Variants in LPA observed in about 807,000 individuals in gnomAD.
LPA encodes the protein lipoprotein(a).
LPA carries 199 observed loss-of-function variants against 197.9 expected under a neutral mutation model. The observed-to-expected ratio is 1.01, with a 90% CI of 0.90 to 1.13. LPA has a LOEUF of 1.13. Among genes scored for constraint, LPA ranks in the 50% most tolerant of loss-of-function variants. LPA has a pLI of 0.00. For missense variants in LPA, 1,853 were observed against 1,785.8 expected (o/e 1.04, Z -0.68); for synonymous variants, 715 against 639.5 (o/e 1.12, Z -1.78).
intron 33 of LPA, among the ~76,000 whole-genome samples, chr6:160,544,071 T>A (rs1273945915): frequency 6.6e-6 from 1 of 152,152 alleles, no homozygotes; most frequent in African/African-American, 2.4e-5. Context: ...TTCTCATACA[T>A]CCTCAATGTG....
chr6:160,657,506 C>T (rs949700892), intron 1 of LPA, among the ~76,000 whole-genome samples: 1 of 148,928 alleles, frequency 6.7e-6, no homozygotes, highest in African/African-American at 2.5e-5. Context: ...TCAAGCAGTT[C>T]TCTTGCCTCA....
At chr6:160,610,625 A>T (rs1397923618) in intron 16 of LPA, among the ~76,000 whole-genome samples, 3 of 152,146 alleles carry the variant, frequency 2.0e-5, no homozygotes, top group African/African-American at 7.2e-5. Flanking sequence ...GGAGACTTCT[A>T]TGCGTATTTG....
At chr6:160,649,321 T>C (rs1028562051) in intron 2 of LPA, among the ~76,000 whole-genome samples, 1 of 152,196 alleles carries the variant, frequency 6.6e-6, no homozygotes, top group African/African-American at 2.4e-5. Context: ...TGCTCTTCCG[T>C]AGATGTTCTT....
At chr6:160,594,337 C>T (rs1394735013) in intron 21 of LPA, among the ~76,000 whole-genome samples, 1 of 152,182 alleles carries the variant, frequency 6.6e-6, no homozygotes, top group Non-Finnish European at 1.5e-5. Context: ...AACACAGGCA[C>T]CAAAGGAAAG....
At chr6:160,553,933 C>A (rs569080538) in intron 30 of LPA, among the ~76,000 whole-genome samples, 1 of 68,864 alleles carries the variant, frequency 1.5e-5, no homozygotes, top group South Asian at 4.4e-4. Flanking sequence ...CTCTCTCTCT[C>A]TCTCTGTGTG....
Position 160,599,356 on chromosome 6 carries a change from C to A in LPA, c.3287+144G>T, listed in dbSNP as rs7743535. The A allele has an allele frequency of 0.011, 13,823 of 1,301,332 alleles. 936 individuals carry two copies. In the African/African-American group the frequency reaches 0.16, roughly 15 times the overall value. 80.6% of individuals were successfully genotyped at this position (1,301,332 alleles called of 1,614,324 possible). A position where few individuals can be genotyped will look rare whatever the true frequency, so the allele number is the denominator to read the frequency against. ...AGACTCTGTCTCAAAAAAACAAAGT[C>A]TTCTCTAAGAACTTTTGCTCACAGG... On this transcript the variant is annotated intron_variant, in intron 20 of 38. Coordinates refer to ENST00000316300, the MANE Select transcript of LPA (RefSeq NM_005577.4).
chr6:160,555,257 ATATTATAT>A (rs1169274152), intron 30 of LPA, among the ~76,000 whole-genome samples: 1 of 128,790 alleles, frequency 7.8e-6, no homozygotes, highest in African/African-American at 3.0e-5. Context: ...ATATTATATT[ATATTATAT>A]TATATTATAT....
intron 16 of LPA, among the ~76,000 whole-genome samples, chr6:160,609,198 G>A (rs557771154): frequency 6.6e-6 from 1 of 152,144 alleles, no homozygotes; most frequent in African/African-American, 2.4e-5. Flanking sequence ...ACATAAGCCT[G>A]CTGATTCCAA....
At chr6:160,604,832 C>G (rs1262423266) in intron 18 of LPA, among the ~76,000 whole-genome samples, 1 of 152,128 alleles carries the variant, frequency 6.6e-6, no homozygotes, top group African/African-American at 2.4e-5. Context: ...CCTCCAGATA[C>G]CTTTCTGCTC....
chr6:160,652,059 A>G (rs1780016548), intron 1 of LPA, among the ~76,000 whole-genome samples: 1 of 151,764 alleles, frequency 6.6e-6, no homozygotes, highest in African/African-American at 2.4e-5. Context: ...TTATGAAGCA[A>G]TATGAATGAT....
chr6:160,586,802 T>G (rs1030354896), intron 24 of LPA, among the ~76,000 whole-genome samples, 172 bp from the exon 25 acceptor site: 1 of 152,234 alleles, frequency 6.6e-6, no homozygotes, highest in African/African-American at 2.4e-5. Flanking sequence ...TGTCAACATT[T>G]CAAAGACAGC....
chr6:160,602,996 T>G (rs1175638617), intron 18 of LPA, among the ~76,000 whole-genome samples: 4 of 20,500 alleles, frequency 2.0e-4, no homozygotes, highest in East Asian at 0.017. Context: ...ATCATACAGT[T>G]TTTTTTTTTT....
intron 31 of LPA, 148 bp downstream of exon 31, chr6:160,548,330 T>G: frequency 2.5e-6 from 2 of 815,994 alleles, no homozygotes; most frequent in South Asian, 3.4e-5. Flanking sequence ...TGAGACTTCC[T>G]TGGTCATGGC....
intron 1 of LPA, among the ~76,000 whole-genome samples, chr6:160,659,808 T>C (rs1780193062): frequency 6.6e-6 from 1 of 152,176 alleles, no homozygotes; most frequent in Non-Finnish European, 1.5e-5. Flanking sequence ...ATAAGGCAGC[T>C]ACACTGTGCT....
At chr6:160,582,504 T>A (rs924602207) in intron 26 of LPA, among the ~76,000 whole-genome samples, 1 of 152,112 alleles carries the variant, frequency 6.6e-6, no homozygotes, top group East Asian at 1.9e-4. Flanking sequence ...AAAGGTGTTA[T>A]TCTATTGTTT....
In LPA at chr6:160,611,025, C is replaced by G. The variant is rs527842070; in HGVS notation, c.2603+537G>C. ...TGCTGACTCTCATCTGCCTTCCTTC[C>G]TTGGATCTTCTCTTGCTGGGAACCT... On this transcript the variant is annotated intron_variant, in intron 16 of 38. Coordinates refer to ENST00000316300, the MANE Select transcript of LPA (RefSeq NM_005577.4). 2.6e-5 allele frequency among the ~76,000 whole-genome samples: 4 copies of G among 152,246 alleles called. No homozygotes were observed. The East Asian group carries it at 7.7e-4, about 29-fold the overall frequency.
In LPA at chr6:160,559,846, T is replaced by C. The variant is rs372229934; in HGVS notation, c.4632-2275A>G. 1.4e-4 allele frequency among the ~76,000 whole-genome samples: 21 copies of C among 152,244 alleles called. No individual in the cohort carries two copies. In the East Asian group the frequency reaches 3.3e-3, roughly 24 times the overall value. On this transcript the variant is annotated intron_variant, in intron 28 of 38. Transcript: ENST00000316300. Reference sequence around the variant, plus strand: ...GAGATACATGTGTAGAATGTGTGGGTTTGTTACATAGGTATACACGTGTCA... The same window carrying C: ...GAGATACATGTGTAGAATGTGTGGGCTTGTTACATAGGTATACACGTGTCA...
chr6:160,594,480 T>C (rs1779092247), intron 21 of LPA, among the ~76,000 whole-genome samples: 1 of 152,192 alleles, frequency 6.6e-6, no homozygotes, highest in Non-Finnish European at 1.5e-5. Context: ...AGGTGGTGAT[T>C]GACTGTCAGT....
At position 160,537,930 on chromosome 6, in the gene LPA, C is replaced by G. The variant is rs1562313976; in HGVS notation, c.5767G>C (p.Ala1923Pro). ...ATGTAGTCTGGGGATGGCAGACAAG[C>G]TGGCATTACTTTGTCAGTGATGACG... ...PAVITDKVMP[A>P]CLPSPDYMVT... Residue 1923 changes from alanine (A) to proline (P), a missense_variant, in exon 37 of 39, where the codon GCT (alanine) becomes CCT (proline). This residue lies in a region of LPA where 1,737 missense variants were observed against 1,504.4 expected (regional missense o/e 1.15). Transcript: ENST00000316300. 6.2e-7 allele frequency: 1 copy of G among 1,614,060 alleles called. No individual in the cohort carries two copies. Among genetic ancestry groups the G allele is most frequent in the African/African-American group, 1.3e-5 (1 of 74,936 alleles).
Sources: gnomAD v4.1 joint callset for allele counts (sites outside exome capture counted in the v4.1 genomes callset) on GRCh38, gnomAD v4.1.1 for gene constraint, gnomAD v4.1.1 regional missense constraint, MANE v1.5 for transcripts, NCBI Gene and HGNC (gene_info 2026-07-23, HGNC 2026-07-21) for gene names.